The following ZFYVE28 variants were observed in gnomAD, a reference collection of about 807,000 sequenced individuals.
ZFYVE28 encodes zinc finger FYVE-type containing 28, also known as lateral signaling target protein 2 homolog.
A neutral mutation model predicts 82.1 loss-of-function variants in ZFYVE28; 40 were observed. The ratio of observed to expected loss-of-function variants is 0.49; its 90% CI spans 0.38 to 0.63. The LOEUF is 0.63. Among genes scored for constraint, ZFYVE28 ranks in the 30% least tolerant of loss-of-function variants. The probability of loss-of-function intolerance (pLI) is 0.00; values close to 1 mark genes in which losing one functional copy is unlikely to be tolerated. For missense variants in ZFYVE28, 1,321 were observed against 1,242.1 expected, an observed-to-expected ratio of 1.06 and a Z score of -0.96; for synonymous variants, 612 against 546.1, an observed-to-expected ratio of 1.12 and a Z score of -1.68.
At chr4:2,407,126 C>CA (rs2108682217) in intron 1 of ZFYVE28, among the ~76,000 whole-genome samples, 1 of 151,728 alleles carries the variant, frequency 6.6e-6, no homozygotes, top group South Asian at 2.1e-4. Context: ...CTGGGCCCCA[C>CA]CATTGCACCT....
At chr4:2,280,596 G>A (rs1228086115) in intron 8 of ZFYVE28, among the ~76,000 whole-genome samples, 1 of 152,140 alleles carries the variant, frequency 6.6e-6, no homozygotes, top group Non-Finnish European at 1.5e-5. Flanking sequence ...TCAAGGTAAG[G>A]CATTAATCTT....
intron 9 of ZFYVE28, 104 bp from the exon 10 acceptor site, chr4:2,273,393 G>T: frequency 1.0e-6 from 1 of 959,116 alleles, no homozygotes; most frequent in Non-Finnish European, 1.6e-6. Context: ...TCACAGCCCA[G>T]GCCAGCGTGT....
In ZFYVE28 at chr4:2,335,941, G is replaced by A; in HGVS notation, c.612-147C>T. On this transcript the variant is annotated intron_variant, in intron 5 of 12. Transcript: ENST00000290974. The surrounding 1 kb of genome is among the most constrained non-coding windows in gnomAD (Gnocchi z 5.8). Reference sequence around the variant, plus strand: ...CAAGAGGTGACACATGCCACCCCCAGTCCTCATATGTGCAAGGGGCTGGGA... The same window carrying A: ...CAAGAGGTGACACATGCCACCCCCAATCCTCATATGTGCAAGGGGCTGGGA... The A allele has an allele frequency of 3.0e-6, 2 of 659,172 alleles. No homozygotes were observed. The highest frequency in any genetic ancestry group is 2.1e-5 in the Admixed American group (1 of 46,826). The allele number at this position is 659,172 out of a possible 1,614,324, so 40.8% of individuals were successfully genotyped here.
At chr4:2,387,146 AGG>A (rs1729352180) in intron 1 of ZFYVE28, among the ~76,000 whole-genome samples, 2 of 152,180 alleles carry the variant, frequency 1.3e-5, no homozygotes, top group Admixed American at 1.3e-4. Context: ...TGCCTGCAGG[AGG>A]AGGCTGGCCC....
intron 8 of ZFYVE28, among the ~76,000 whole-genome samples, chr4:2,280,057 G>A (rs188753827): frequency 1.6e-3 from 243 of 152,212 alleles, no homozygotes; most frequent in African/African-American, 5.6e-3. Context: ...TCTTGTAATC[G>A]CCCAGCAAAC....
rs765812209 is a variant in ZFYVE28, at chr4:2,341,664, C to G, written c.181-49G>C. ...TGCGCCAATCGCTGTGTCCAGCTGGCGGCCGCCATGTACTGCTGGAAAACA... is the reference window on the plus strand; with the variant it reads ...TGCGCCAATCGCTGTGTCCAGCTGGGGGCCGCCATGTACTGCTGGAAAACA... On this transcript the variant is annotated intron_variant, in intron 2 of 12. Transcript: ENST00000290974. This position sits in a 1 kb window ranked among gnomAD's most constrained non-coding sequence, Gnocchi z 4.5. 1.9e-6 allele frequency: 3 copies of G among 1,585,184 alleles called. No homozygotes were observed. The highest frequency in any genetic ancestry group is 1.7e-6 in the Non-Finnish European group (2 of 1,159,176).
chr4:2,330,930 C>T (rs1328795784), intron 6 of ZFYVE28: 5 of 1,534,668 alleles, frequency 3.3e-6, no homozygotes, highest in African/African-American at 1.4e-5. Flanking sequence ...GCAGAGATGA[C>T]ACCTTGTTTT....
chr4:2,375,920 C>G (rs1728086033), intron 1 of ZFYVE28, among the ~76,000 whole-genome samples: 1 of 151,236 alleles, frequency 6.6e-6, no homozygotes, highest in African/African-American at 2.4e-5. Context: ...TTTGCCCAGG[C>G]TGGAGTGCAA....
chr4:2,271,462 G>A, intron 11 of ZFYVE28, 48 bp from the exon 12 acceptor site: 2 of 1,584,680 alleles, frequency 1.3e-6, no homozygotes, highest in Non-Finnish European at 1.7e-6. Flanking sequence ...GGAGCAGGTG[G>A]GCTGGGCCGG....
intron 1 of ZFYVE28, among the ~76,000 whole-genome samples, chr4:2,358,160 G>C (rs561669829): frequency 6.6e-6 from 1 of 152,196 alleles, no homozygotes; most frequent in South Asian, 2.1e-4. Flanking sequence ...GTGTGTGCAA[G>C]TATGTACATG....
chr4:2,318,836 T>C (rs2108836288), intron 7 of ZFYVE28, among the ~76,000 whole-genome samples: 2 of 152,202 alleles, frequency 1.3e-5, no homozygotes, highest in East Asian at 3.9e-4. Flanking sequence ...GCCTAGGAGT[T>C]CAAGACCAGC....
At chr4:2,410,206 C>T (rs1732369107) in intron 1 of ZFYVE28, among the ~76,000 whole-genome samples, 2 of 152,158 alleles carry the variant, frequency 1.3e-5, no homozygotes, top group Non-Finnish European at 2.9e-5. Context: ...CCTCTTGCTG[C>T]GTCAAAACCT....
At chr4:2,389,543 C>T (rs1171863676) in intron 1 of ZFYVE28, among the ~76,000 whole-genome samples, 3 of 152,206 alleles carry the variant, frequency 2.0e-5, no homozygotes, top group African/African-American at 7.2e-5. Flanking sequence ...CATGTAAGGC[C>T]AGGCGGCTTC....
intron 7 of ZFYVE28, among the ~76,000 whole-genome samples, chr4:2,317,591 C>G (rs534652515): frequency 2.0e-5 from 3 of 152,270 alleles, no homozygotes; most frequent in East Asian, 3.9e-4. Flanking sequence ...ACTTCAAAAT[C>G]TGGCAAACGT....
At chr4:2,398,038 G>GC (rs1273283267) in intron 1 of ZFYVE28, among the ~76,000 whole-genome samples, 1 of 151,064 alleles carries the variant, frequency 6.6e-6, no homozygotes, top group Non-Finnish European at 1.5e-5. Context: ...GAGATGGGAG[G>GC]GGGGGTCCTG....
intron 6 of ZFYVE28, chr4:2,330,945 C>A (rs548270670): frequency 3.5e-5 from 53 of 1,534,742 alleles, no homozygotes; most frequent in Non-Finnish European, 4.5e-5. Flanking sequence ...TGTTTTGACA[C>A]AGGTGGATGG....
intron 6 of ZFYVE28, among the ~76,000 whole-genome samples, chr4:2,321,874 C>A (rs746729453): frequency 1.3e-5 from 2 of 152,122 alleles, no homozygotes; most frequent in Non-Finnish European, 2.9e-5. Context: ...ACCCAGCTGC[C>A]CCCCAGGGCA....
At chr4:2,306,686 TG>T (rs1716624396) in intron 7 of ZFYVE28, among the ~76,000 whole-genome samples, 1 of 152,256 alleles carries the variant, frequency 6.6e-6, no homozygotes. Context: ...GCTGCCCATT[TG>T]GGACATGCAC....
chr4:2,357,909 G>T (rs757373290), intron 1 of ZFYVE28, among the ~76,000 whole-genome samples: 22 of 152,162 alleles, frequency 1.4e-4, no homozygotes, highest in African/African-American at 5.3e-4. Flanking sequence ...TCCCAGCAAC[G>T]CCAGGTCAAC....
Sources: allele counts gnomAD v4.1 joint callset (sites outside exome capture counted in the v4.1 genomes callset), GRCh38; gene constraint gnomAD v4.1.1; non-coding constraint Gnocchi (gnomAD v3.1); transcripts MANE v1.5; gene names NCBI Gene and HGNC (gene_info 2026-07-23, HGNC 2026-07-21).